CSMD1: variants seen among roughly 807,000 people sequenced by gnomAD.
The protein encoded by CSMD1 is CUB and Sushi multiple domains 1.
In CSMD1, 213 loss-of-function variants were observed where a neutral mutation model predicts 417.5. The observed-to-expected ratio is 0.51, with a 90% CI of 0.46 to 0.57. CSMD1 has a LOEUF of 0.57. CSMD1 is among the 20% of genes least tolerant of loss of function. The pLI, the probability that CSMD1 is intolerant of heterozygous loss-of-function variation, is 0.00. For synonymous variants in CSMD1, 2,862 were observed against 1,736.8 expected (o/e 1.65, Z -16.11); for missense variants, 6,923 against 4,529.7 (o/e 1.53, Z -15.17).
At chr8:4,884,415 T>G (rs1165129608) in intron 1 of CSMD1, among the ~76,000 whole-genome samples, 1 of 152,052 alleles carries the variant, frequency 6.6e-6, no homozygotes, top group African/African-American at 2.4e-5. Context: ...TTGTTGTTGT[T>G]GCTTGTGCTT....
intron 3 of CSMD1, among the ~76,000 whole-genome samples, chr8:4,402,777 G>T (rs1333441832): frequency 2.1e-5 from 3 of 146,176 alleles, no homozygotes; most frequent in African/African-American, 7.6e-5. Context: ...TTGATGCTGT[G>T]AGTATAATGT....
chr8:3,349,698 G>A (rs1808262448), intron 21 of CSMD1, among the ~76,000 whole-genome samples: 2 of 147,330 alleles, frequency 1.4e-5, no homozygotes, highest in South Asian at 4.3e-4. Flanking sequence ...AAATTTATAT[G>A]TATATATACT....
chr8:3,143,740 T>C (rs1185496873), intron 40 of CSMD1, among the ~76,000 whole-genome samples: 1 of 152,208 alleles, frequency 6.6e-6, no homozygotes, highest in Admixed American at 6.5e-5. Flanking sequence ...CTGTTTTTGA[T>C]AGATGAGAAC....
chr8:3,533,356 T>A (rs1227976530), intron 10 of CSMD1, among the ~76,000 whole-genome samples: 2 of 152,190 alleles, frequency 1.3e-5, no homozygotes, highest in Admixed American at 6.5e-5. Flanking sequence ...TCATCTTACA[T>A]AAGAGAACTT....
chr8:3,757,017 G>A (rs76578335), intron 5 of CSMD1, among the ~76,000 whole-genome samples: 109 of 152,218 alleles, frequency 7.2e-4, no homozygotes, highest in African/African-American at 2.4e-3. Flanking sequence ...TGTCCAGACT[G>A]GTCTTGAACT....
intron 7 of CSMD1, among the ~76,000 whole-genome samples, chr8:3,647,360 C>T (rs1412512957): frequency 2.8e-5 from 4 of 141,352 alleles, no homozygotes; most frequent in Non-Finnish European, 4.6e-5. Flanking sequence ...AGAAATATCA[C>T]GTAAAGTGAA....
chr8:4,914,131 A>AC (rs1292835707), intron 1 of CSMD1, among the ~76,000 whole-genome samples: 2 of 152,200 alleles, frequency 1.3e-5, no homozygotes, highest in Non-Finnish European at 2.9e-5. Context: ...CTCCCTACAC[A>AC]GTTTCTTTCT....
intron 1 of CSMD1, among the ~76,000 whole-genome samples, chr8:4,934,372 A>G (rs1427061433): frequency 2.0e-5 from 3 of 152,188 alleles, no homozygotes; most frequent in African/African-American, 7.2e-5. Context: ...ATATGAAAAT[A>G]TTGTTTTATG....
At chr8:3,729,685 A>G (rs1364073915) in intron 6 of CSMD1, among the ~76,000 whole-genome samples, 1 of 129,926 alleles carries the variant, frequency 7.7e-6, no homozygotes, top group African/African-American at 3.5e-5. Context: ...TAAAGATGAA[A>G]CTCGCCTCTT....
At chr8:4,746,075 C>A (rs1173874756) in intron 1 of CSMD1, among the ~76,000 whole-genome samples, 1 of 152,238 alleles carries the variant, frequency 6.6e-6, no homozygotes, top group Non-Finnish European at 1.5e-5. Flanking sequence ...CTGTCAGCCC[C>A]TCACATCAGA....
Position 3,343,439 on chromosome 8 carries a change from T to A in CSMD1, c.3486A>T (p.Gly1162=), listed in dbSNP as rs1206344214. ...CCAGTGGACGTGAGGAACTGTCTTT[T>A]CCATCATATACCTGATGAAAATTCA... ...FEGDTLKVYD[G]KDSSSRPLGT... is the part of the protein sequence containing the mutation. The change falls in exon 23 of 70, where the codon GGA becomes GGT. Residue 1162 remains glycine, a synonymous_variant. Coordinates refer to ENST00000635120, the MANE Select transcript of CSMD1 (RefSeq NM_033225.6). 5.6e-6 allele frequency: 9 copies of A among 1,613,450 alleles called. No individual in the cohort carries two copies. Among genetic ancestry groups the A allele is most frequent in the African/African-American group, 1.3e-5 (1 of 74,898 alleles).
At chr8:4,739,586 G>C (rs1783936433) in intron 1 of CSMD1, among the ~76,000 whole-genome samples, 1 of 152,102 alleles carries the variant, frequency 6.6e-6, no homozygotes, top group Non-Finnish European at 1.5e-5. Flanking sequence ...ATGAGAACAG[G>C]TCTCCTTTGG....
chr8:3,173,385 T>C (rs2129044651), intron 37 of CSMD1, among the ~76,000 whole-genome samples: 1 of 152,302 alleles, frequency 6.6e-6, no homozygotes, highest in Non-Finnish European at 1.5e-5. Context: ...CTTGGTGCAC[T>C]TAGAACAGTA....
intron 1 of CSMD1, among the ~76,000 whole-genome samples, chr8:4,897,179 T>G (rs1309171911): frequency 6.6e-6 from 1 of 152,110 alleles, no homozygotes; most frequent in Admixed American, 6.5e-5. Flanking sequence ...AAGAGGAAGC[T>G]GTGCAATGTC....
chr8:3,448,205 G>T (rs1815425879), intron 12 of CSMD1, among the ~76,000 whole-genome samples: 1 of 149,064 alleles, frequency 6.7e-6, no homozygotes, highest in African/African-American at 2.5e-5. Context: ...AAGCCTGTCT[G>T]TGTTTCCTGA....
At chr8:3,653,365 G>C (rs929725438) in intron 7 of CSMD1, among the ~76,000 whole-genome samples, 8 of 152,148 alleles carry the variant, frequency 5.3e-5, no homozygotes, top group African/African-American at 1.2e-4. Context: ...CTGTACTGCA[G>C]AGGCATGATC....
intron 3 of CSMD1, among the ~76,000 whole-genome samples, chr8:4,354,211 C>G (rs1441599308): frequency 1.3e-5 from 2 of 152,150 alleles, no homozygotes; most frequent in African/African-American, 4.8e-5. Flanking sequence ...GAGATTACCA[C>G]CCTGAGCCTT....
At chr8:4,155,511 G>T (rs1240894001) in intron 3 of CSMD1, among the ~76,000 whole-genome samples, 1 of 152,106 alleles carries the variant, frequency 6.6e-6, no homozygotes, top group African/African-American at 2.4e-5. Context: ...GTTCTTAAAC[G>T]CCAAACTTAA....
chr8:3,672,402 G>C (rs1799121736), intron 7 of CSMD1, among the ~76,000 whole-genome samples: 1 of 152,144 alleles, frequency 6.6e-6, no homozygotes, highest in African/African-American at 2.4e-5. Flanking sequence ...CCACAGCTCA[G>C]AAAACATAAA....
Sources: gnomAD v4.1 joint callset for allele counts (sites outside exome capture counted in the v4.1 genomes callset) on GRCh38, gnomAD v4.1.1 for gene constraint, MANE v1.5 for transcripts, NCBI Gene and HGNC (gene_info 2026-07-23, HGNC 2026-07-21) for gene names.